Variants in VSIG4 observed in about 807,000 individuals in gnomAD.
The protein encoded by VSIG4 is V-set and immunoglobulin domain-containing protein 4.
VSIG4 carries 34 observed loss-of-function variants against 23.4 expected under a neutral mutation model. The ratio of observed to expected loss-of-function variants is 1.45; its 90% CI spans 1.10 to 1.93. The LOEUF is 1.93. VSIG4 is among the 30% of genes most tolerant of loss of function. The pLI is 0.00. For synonymous variants in VSIG4, 169 were observed against 120.3 expected (o/e 1.41, Z -2.65); for missense variants, 433 against 310.8 (o/e 1.39, Z -2.96).
At position 66,033,730 on chromosome X, in the gene VSIG4, G is replaced by A. The variant is rs1234811986; in HGVS notation, c.156C>T (p.Val52=). ...CACGTTGTACCAGCCACTTCACCAA[G>A]ACTTGGGTGTAGCCTTGCAGGGGGT... ...TYDPLQGYTQ[V]LVKWLVQRGS... Residue 52 remains valine (V), a synonymous_variant, in exon 2 of 8, where the codon GTC becomes GTT. Transcript: ENST00000374737. 1 of 1,211,659 alleles carries A rather than the reference G, an allele frequency of 8.3e-7. No homozygotes were observed. The highest frequency in any genetic ancestry group is 1.8e-5 in the South Asian group (1 of 56,974).
rs369703064 is a variant in VSIG4 at position 66,022,474 on chromosome X, G to T, written c.989C>A (p.Ser330Tyr). The change falls in exon 8 of 8, where the codon TCT becomes TAT. Residue 330 changes from serine to tyrosine, a missense_variant. Coordinates refer to ENST00000374737, the MANE Select transcript of VSIG4 (RefSeq NM_007268.3). The part of the protein sequence containing the change: ...ARAHAREAND[S>Y]GETMRVAIFA... ...GATGGCCACCCTCATGGTTTCTCCAGAGTCGTTGGCCTCTCTGGCATGTGC... is the reference window on the plus strand; with the variant it reads ...GATGGCCACCCTCATGGTTTCTCCATAGTCGTTGGCCTCTCTGGCATGTGC... 2.0e-5 allele frequency: 24 copies of T among 1,211,750 alleles called. No individual in the cohort carries two copies. The highest frequency in any genetic ancestry group is 2.7e-5 in the Non-Finnish European group (24 of 895,523).
Position 66,027,556 on chromosome X carries a change from G to A in VSIG4, c.758-30C>T, listed in dbSNP as rs144041280. The A allele has an allele frequency of 9.6e-4, 1,065 of 1,111,867 alleles. 4 individuals are homozygous for A. The African/African-American group carries it at 0.017, about 18-fold the overall frequency. The allele number at this position is 1,111,867 out of a possible 1,213,427, so 91.6% of individuals were successfully genotyped here. On this transcript the variant is annotated intron_variant, in intron 4 of 7. Coordinates refer to ENST00000374737, the MANE Select transcript of VSIG4 (RefSeq NM_007268.3). ...GAATATAGAGAATAGGGTCAGAGAT[G>A]TCTCTCTTCTTTCAAAAAGTTGAGA...
At chrX:66,034,787 A>G (rs1230741650) in intron 1 of VSIG4, among the ~76,000 whole-genome samples, 12 of 99,601 alleles carry the variant, frequency 1.2e-4, no homozygotes, top group Admixed American at 3.4e-4. Context: ...GTGGGGAAGG[A>G]GGTGGGGATG....
intron 3 of VSIG4, among the ~76,000 whole-genome samples, chrX:66,029,679 T>G (rs1398089177): frequency 9.0e-6 from 1 of 111,604 alleles, no homozygotes; most frequent in African/African-American, 3.3e-5. Context: ...TCTGATTCAG[T>G]AGGTGAATTC....
chrX:66,029,518 A>G (rs766260502), intron 3 of VSIG4, among the ~76,000 whole-genome samples: 5 of 111,745 alleles, frequency 4.5e-5, no homozygotes, highest in Non-Finnish European at 9.4e-5. Context: ...GTGACATAAA[A>G]TATATACTCA....
intron 3 of VSIG4, 134 bp downstream of exon 3, chrX:66,032,334 C>T (rs1052772334): frequency 3.0e-5 from 25 of 845,366 alleles, no homozygotes; most frequent in Non-Finnish European, 3.6e-5. Flanking sequence ...AGTTTTTTTT[C>T]TTTGTGATTG....
rs775024549 is a variant in VSIG4 at position 66,027,442 on chromosome X, T to A, written c.835+7A>T. 8.4e-7 allele frequency: 1 copy of A among 1,196,772 alleles called. No individual in the cohort carries two copies. Among genetic ancestry groups the A allele is most frequent in the South Asian group, 1.8e-5 (1 of 54,852 alleles). ...AGAAAAGATAGAAATCCTGACAATATTCCTACCTGGCCCAGCACTGGTCTC... is the reference window on the plus strand; with the variant it reads ...AGAAAAGATAGAAATCCTGACAATAATCCTACCTGGCCCAGCACTGGTCTC... On this transcript the variant is annotated splice_region_variant and intron_variant, in intron 5 of 7. Transcript: ENST00000374737.
At chrX:66,037,271 A>T (rs1483015314) in intron 1 of VSIG4, among the ~76,000 whole-genome samples, 3 of 406 alleles carry the variant, frequency 7.4e-3, no homozygotes, top group Non-Finnish European at 9.3e-3. Flanking sequence ...TTATATAATA[A>T]TATAATATAA....
At chrX:66,025,760 A>G (rs2085382900) in intron 5 of VSIG4, among the ~76,000 whole-genome samples, 1 of 112,313 alleles carries the variant, frequency 8.9e-6, no homozygotes, top group South Asian at 3.6e-4. Context: ...TTTACATAGT[A>G]AAAAGGAACA....
intron 1 of VSIG4, among the ~76,000 whole-genome samples, chrX:66,039,190 A>C (rs776579905): frequency 8.9e-6 from 1 of 112,280 alleles, no homozygotes; most frequent in African/African-American, 3.2e-5. Context: ...TATGAAGACC[A>C]GTTGAAAAAG....
intron 3 of VSIG4, 121 bp from the exon 4 acceptor site, chrX:66,028,233 C>T: frequency 1.8e-6 from 1 of 558,525 alleles, no homozygotes; most frequent in Non-Finnish European, 3.1e-6. Flanking sequence ...TGCCTCAACA[C>T]TTCTGTCATG....
chrX:66,036,966 A>G (rs1464196044), intron 1 of VSIG4, among the ~76,000 whole-genome samples: 4 of 34,906 alleles, frequency 1.1e-4, no homozygotes, highest in East Asian at 2.2e-3. Flanking sequence ...TATATTATAT[A>G]ATATATAATA....
Position 66,027,454 on chromosome X carries a change from C to A in VSIG4, c.830G>T (p.Gly277Val). ...MDGYLGETSA[G>V]PGKSLPVFAI... ...AATCCTGACAATATTCCTACCTGGCCCAGCACTGGTCTCTCCAAGGTAGCC... is the reference window on the plus strand; with the variant it reads ...AATCCTGACAATATTCCTACCTGGCACAGCACTGGTCTCTCCAAGGTAGCC... Residue 277 changes from glycine (G) to valine (V), a missense_variant, in exon 5 of 8, where the codon GGG becomes GTG. Coordinates refer to ENST00000374737, the MANE Select transcript of VSIG4 (RefSeq NM_007268.3). 3.3e-6 allele frequency: 4 copies of A among 1,201,794 alleles called. No homozygotes were observed. Among genetic ancestry groups the A allele is most frequent in the Non-Finnish European group, 4.5e-6 (4 of 889,559 alleles).
chrX:66,031,981 A>G (rs2085469159), intron 3 of VSIG4, among the ~76,000 whole-genome samples: 1 of 112,005 alleles, frequency 8.9e-6, no homozygotes. Context: ...CAGCTTTCAA[A>G]GGGTGCCCAG....
intron 7 of VSIG4, 64 bp downstream of exon 7, chrX:66,022,777 C>A: frequency 8.3e-7 from 1 of 1,210,373 alleles, no homozygotes; most frequent in Middle Eastern, 2.3e-4. Flanking sequence ...TCCACATTTC[C>A]TGCCAGTAAT....
rs778843258 is a variant in VSIG4 at position 66,022,441 on chromosome X, C to T, written c.1022G>A (p.Ser341Asn). The T allele has an allele frequency of 1.7e-6, 2 of 1,212,116 alleles. No individual in the cohort carries two copies. The highest frequency in any genetic ancestry group is 2.2e-5 in the Admixed American group (1 of 46,135). The stretch of plus-strand genomic sequence containing the variant: ...AGTTGGCTCATCACTGGAGCAGCCA[C>T]TTGCGAAGATGGCCACCCTCATGGT... ...GETMRVAIFA[S>N]GCSSDEPTSQ... Residue 341 changes from serine (S) to asparagine (N), a missense_variant, in exon 8 of 8, where the codon AGT becomes AAT. Transcript: ENST00000374737.
intron 1 of VSIG4, 27 bp downstream of exon 1, chrX:66,039,917 G>A (rs1329875428): frequency 3.3e-6 from 4 of 1,207,954 alleles, no homozygotes; most frequent in South Asian, 1.8e-5. Context: ...GCCAGCAATG[G>A]CAGCCAGGCC....
In VSIG4 at chrX:66,021,933, C is replaced by A. The variant is rs1328200735; in HGVS notation, c.*330G>T. ...CAGAGCTGAGCCTCCCTCGGGTCTT[C>A]TGGTGGCAAGATGCCAAAGTTGAAT... is the stretch of plus-strand genomic sequence containing the variant. On this transcript the variant is annotated 3_prime_UTR_variant, in exon 8 of 8. Coordinates refer to ENST00000374737, the MANE Select transcript of VSIG4 (RefSeq NM_007268.3). The A allele has an allele frequency of 4.7e-6, 3 of 633,751 alleles. No individual in the cohort carries two copies. The highest frequency in any genetic ancestry group is 7.0e-6 in the Non-Finnish European group (3 of 428,828). 52.2% of individuals were successfully genotyped at this position (633,751 alleles called of 1,213,427 possible).
At chrX:66,023,239 C>A (rs1489653592) in intron 6 of VSIG4, among the ~76,000 whole-genome samples, 1 of 110,398 alleles carries the variant, frequency 9.1e-6, no homozygotes, top group Non-Finnish European at 1.9e-5. Flanking sequence ...GGCCACATAC[C>A]AGGAAGAAGG....
Sources: gnomAD v4.1 joint callset for allele counts (sites outside exome capture counted in the v4.1 genomes callset) on GRCh38, gnomAD v4.1.1 for gene constraint, MANE v1.5 for transcripts, NCBI Gene and HGNC (gene_info 2026-07-23, HGNC 2026-07-21) for gene names.